Variants in DENND10 observed in about 807,000 individuals in gnomAD.
DENND10 encodes the protein DENN domain-containing protein 10.
A neutral mutation model predicts 43.6 loss-of-function variants in DENND10; 24 were observed. The observed-to-expected ratio is 0.55, with a 90% CI of 0.40 to 0.77. The LOEUF is 0.77. Ranked by LOEUF, DENND10 falls within the 30% of genes least tolerant of loss-of-function variation. The probability of loss-of-function intolerance (pLI) is 0.00; values close to 1 mark genes in which losing one functional copy is unlikely to be tolerated. For synonymous variants in DENND10, 125 were observed against 157.6 expected, an observed-to-expected ratio of 0.79 and a Z score of 1.55; for missense variants, 303 against 429.9, an observed-to-expected ratio of 0.70 and a Z score of 2.61.
intron 1 of DENND10, chr10:119,105,660 G>T: frequency 5.9e-6 from 2 of 338,678 alleles, no homozygotes; most frequent in Non-Finnish European, 8.6e-6. Context: ...TTTGAACTCA[G>T]CAGTTTTTTA....
At chr10:119,125,057 T>C (rs976598415) in intron 6 of DENND10, among the ~76,000 whole-genome samples, 1 of 151,974 alleles carries the variant, frequency 6.6e-6, no homozygotes, top group African/African-American at 2.4e-5. Context: ...CTGCAACCTC[T>C]GCCTCCTAGG....
intron 3 of DENND10, among the ~76,000 whole-genome samples, chr10:119,115,117 A>G (rs994702386): frequency 6.6e-6 from 1 of 151,976 alleles, no homozygotes; most frequent in Non-Finnish European, 1.5e-5. Context: ...TGTTGGTAGT[A>G]ATAAAGCACA....
intron 6 of DENND10, among the ~76,000 whole-genome samples, chr10:119,126,612 C>T (rs1207039656): frequency 2.0e-5 from 3 of 152,066 alleles, no homozygotes; most frequent in African/African-American, 7.2e-5. Context: ...CTGCAGGCAC[C>T]CACCACCATG....
Position 119,122,143 on chromosome 10 carries a change from T to TA in DENND10, c.594-1319dup, listed in dbSNP as rs768817168. On this transcript the variant is annotated intron_variant, in intron 5 of 8. Coordinates refer to ENST00000361432, the MANE Select transcript of DENND10 (RefSeq NM_207009.4). ...GCAACACAGCAAAACCCCATCTCTATAAAAAAATACAAAAATTAGCCAGGC... is the reference window on the plus strand; with the variant it reads ...GCAACACAGCAAAACCCCATCTCTATAAAAAAAATACAAAAATTAGCCAGGC... Among the ~76,000 whole-genome samples, 8 of 151,762 alleles carry TA rather than the reference T, an allele frequency of 5.3e-5. No individual in the cohort carries two copies. The East Asian group carries it at 1.6e-3, about 30-fold the overall frequency.
At chr10:119,120,313 G>C (rs1335864602) in intron 4 of DENND10, 28 bp from the exon 5 acceptor site, 6 of 1,319,544 alleles carry the variant, frequency 4.5e-6, no homozygotes, top group Non-Finnish European at 6.6e-6. Context: ...GTGTAATGCA[G>C]TAACATTACA....
In DENND10 at chr10:119,136,589, C is replaced by T. The variant is rs1271195386; in HGVS notation, c.1016C>T (p.Pro339Leu). 1 of 1,578,980 alleles carries T rather than the reference C, an allele frequency of 6.3e-7. No homozygotes were observed. Among genetic ancestry groups the T allele is most frequent in the African/African-American group, 1.4e-5 (1 of 71,988 alleles). Residue 339 changes from proline to leucine, a missense_variant, in exon 9 of 9, where the codon CCA (proline) becomes CTA (leucine). Physicochemically the swap from Pro to Leu is moderately conservative, Grantham distance 98. Coordinates refer to ENST00000361432, the MANE Select transcript of DENND10 (RefSeq NM_207009.4). ...LEALKQKRFP[P>L]ATENFLYHLA... is the part of the protein sequence containing the mutation. ...GCGCTAAAGCAAAAACGATTTCCAC[C>T]AGCAACAGAAAACTTCCTTTATCAT...
At chr10:119,106,986 G>T (rs2133451914) in intron 1 of DENND10, among the ~76,000 whole-genome samples, 1 of 152,166 alleles carries the variant, frequency 6.6e-6, no homozygotes, top group East Asian at 1.9e-4. Context: ...GGAGATGGAG[G>T]TTGTGGTGAG....
chr10:119,122,446 A>G (rs1845620419), intron 5 of DENND10, among the ~76,000 whole-genome samples: 1 of 152,214 alleles, frequency 6.6e-6, no homozygotes, highest in South Asian at 2.1e-4. Flanking sequence ...CTAGCCTGTA[A>G]GACACACTTT....
At chr10:119,129,687 T>C in intron 7 of DENND10, 65 bp downstream of exon 7, 2 of 1,205,838 alleles carry the variant, frequency 1.7e-6, no homozygotes, top group Non-Finnish European at 2.5e-6. Context: ...TTTAGGCTGA[T>C]TCTCTAAAAC....
chr10:119,107,232 G>A (rs979085622), intron 1 of DENND10, among the ~76,000 whole-genome samples: 10 of 151,262 alleles, frequency 6.6e-5, no homozygotes, highest in Non-Finnish European at 1.3e-4. Context: ...CAGAAGAATC[G>A]TTTGAACCTG....
At chr10:119,119,178 AT>A (rs1452244371) in intron 4 of DENND10, among the ~76,000 whole-genome samples, 1 of 152,048 alleles carries the variant, frequency 6.6e-6, no homozygotes, top group East Asian at 1.9e-4. Flanking sequence ...CTAATTGTGT[AT>A]TTTTAGTACA....
Position 119,135,791 on chromosome 10 carries a change from T to TAAAAAAAAAAAAAAAAAAAAAAAAA in DENND10, c.898-679_898-655dup, listed in dbSNP as rs367836571. ...TACACTCAGAAAATGACTAAAATTG[T>TAAAAAAAAAAAAAAAAAAAAAAAAA]AAAAAAAAAAAAAAAAAAAAAAAAA... On this transcript the variant is annotated intron_variant, in intron 8 of 8. Transcript: ENST00000361432. 6.4e-4 allele frequency among the ~76,000 whole-genome samples: 41 copies of TAAAAAAAAAAAAAAAAAAAAAAAAA among 64,016 alleles called. 3 individuals carry two copies. Among genetic ancestry groups the TAAAAAAAAAAAAAAAAAAAAAAAAA allele is most frequent in the Non-Finnish European group, 8.9e-4 (32 of 36,018 alleles). The allele number at this position is 64,016 out of a possible 152,430, so 42.0% of individuals were successfully genotyped here. A position where few individuals can be genotyped will look rare whatever the true frequency, so the allele number is the denominator to read the frequency against.
chr10:119,113,796 C>T (rs1206038569), intron 3 of DENND10, among the ~76,000 whole-genome samples: 1 of 151,886 alleles, frequency 6.6e-6, no homozygotes, highest in Non-Finnish European at 1.5e-5. Flanking sequence ...ATTTTTGCAA[C>T]CAGCCAGAAT....
chr10:119,114,151 G>A (rs573167619), intron 3 of DENND10: 4 of 152,230 alleles, frequency 2.6e-5, no homozygotes, highest in South Asian at 2.1e-4. Context: ...TTCTTCTCCC[G>A]TCACAGTGCA....
intron 3 of DENND10, chr10:119,114,197 T>G (rs887878306): frequency 7.2e-5 from 11 of 152,126 alleles, no homozygotes; most frequent in African/African-American, 2.7e-4. Flanking sequence ...GCCAGCCGCC[T>G]CCTCTGCTTC....
At chr10:119,124,701 C>A (rs1276731852) in intron 6 of DENND10, among the ~76,000 whole-genome samples, 1 of 152,142 alleles carries the variant, frequency 6.6e-6, no homozygotes, top group East Asian at 1.9e-4. Flanking sequence ...CCTTTTTAAC[C>A]ATTGGTAAAC....
intron 7 of DENND10, among the ~76,000 whole-genome samples, chr10:119,131,236 A>T (rs1354709820): frequency 6.6e-6 from 1 of 152,150 alleles, no homozygotes; most frequent in Admixed American, 6.6e-5. Context: ...AGGCGGGTGG[A>T]TCACGAGGTC....
At position 119,136,773 on chromosome 10, in the gene DENND10, A is replaced by G. The variant is rs1846381287; in HGVS notation, c.*126A>G. On this transcript the variant is annotated 3_prime_UTR_variant, in exon 9 of 9. Coordinates refer to ENST00000361432, the MANE Select transcript of DENND10 (RefSeq NM_207009.4). ...ATATCTTTTTAATGATTTATTTGCA[A>G]GTATTGAGATTTGACCTGAAAAACA... is the stretch of plus-strand genomic sequence containing the variant. 1.8e-6 allele frequency: 1 copy of G among 555,202 alleles called. No homozygotes were observed. The highest frequency in any genetic ancestry group is 3.2e-6 in the Non-Finnish European group (1 of 317,022). 34.4% of individuals were successfully genotyped at this position (555,202 alleles called of 1,614,324 possible). A position where few individuals can be genotyped will look rare whatever the true frequency, so the allele number is the denominator to read the frequency against.
At chr10:119,120,473 A>G in intron 5 of DENND10, 21 bp downstream of exon 5, 1 of 1,486,532 alleles carries the variant, frequency 6.7e-7, no homozygotes, top group Middle Eastern at 1.7e-4. Context: ...TAATTATAAA[A>G]AAGTGTTAAC....
Sources: gnomAD v4.1 joint callset for allele counts (sites outside exome capture counted in the v4.1 genomes callset) on GRCh38, gnomAD v4.1.1 for gene constraint, MANE v1.5 for transcripts, NCBI Gene and HGNC (gene_info 2026-07-23, HGNC 2026-07-21) for gene names.